The following OTUD7A variants were observed in gnomAD, a reference collection of about 807,000 sequenced individuals.
The protein encoded by OTUD7A is OTU domain-containing protein 7A.
A neutral mutation model predicts 65.7 loss-of-function variants in OTUD7A; 12 were observed. The observed-to-expected ratio is 0.18, with a 90% CI of 0.12 to 0.30. The LOEUF (loss-of-function observed/expected upper bound fraction) is 0.30, where lower values mean the gene tolerates loss of function less well. Ranked by LOEUF, OTUD7A falls within the 10% of genes least tolerant of loss-of-function variation. The pLI is 1.00. For synonymous variants in OTUD7A, 641 were observed against 586.3 expected, an observed-to-expected ratio of 1.09 and a Z score of -1.35; for missense variants, 1,148 against 1,304.8, an observed-to-expected ratio of 0.88 and a Z score of 1.85.
chr15:31,585,333 C>T (rs947207654), intron 3 of OTUD7A, among the ~76,000 whole-genome samples: 1 of 152,182 alleles, frequency 6.6e-6, no homozygotes, highest in Non-Finnish European at 1.5e-5. Flanking sequence ...TCATGCGAGG[C>T]GTGGAAGGCA....
rs1297454355 is a variant in OTUD7A at position 31,632,598 on chromosome 15, C to T, written c.151+22498G>A. Among the ~76,000 whole-genome samples, 6 of 152,360 alleles carry T rather than the reference C, an allele frequency of 3.9e-5. No individual in the cohort carries two copies. The East Asian group carries it at 9.6e-4, about 24-fold the overall frequency. On this transcript the variant is annotated intron_variant, in intron 3 of 12. Coordinates refer to ENST00000307050, the MANE Select transcript of OTUD7A (RefSeq NM_001382637.1). Reference sequence around the variant, plus strand: ...GACCCACTTGAGGAGGCAGTCTGCCCGTTCTCAGATCTCCAGCTGTGTGCT... The same window carrying T: ...GACCCACTTGAGGAGGCAGTCTGCCTGTTCTCAGATCTCCAGCTGTGTGCT...
chr15:31,748,402 T>C (rs1037730859), intron 1 of OTUD7A, among the ~76,000 whole-genome samples: 1 of 151,180 alleles, frequency 6.6e-6, no homozygotes, highest in African/African-American at 2.4e-5. Context: ...CACATAACTA[T>C]TATATATATT....
At chr15:31,809,646 T>C (rs561561767) in intron 1 of OTUD7A, among the ~76,000 whole-genome samples, 1 of 152,346 alleles carries the variant, frequency 6.6e-6, no homozygotes, top group East Asian at 1.9e-4. Flanking sequence ...GGCTAGTGCT[T>C]CAGCAGCCAC....
chr15:31,595,928 C>T (rs1889891525), intron 3 of OTUD7A, among the ~76,000 whole-genome samples: 1 of 152,102 alleles, frequency 6.6e-6, no homozygotes, highest in African/African-American at 2.4e-5. Context: ...CCAGCAATGA[C>T]TGATGGAGTC....
At chr15:31,534,504 C>A (rs770316276) in intron 5 of OTUD7A, among the ~76,000 whole-genome samples, 9 of 152,128 alleles carry the variant, frequency 5.9e-5, no homozygotes, top group Non-Finnish European at 1.3e-4. Context: ...GACAAAGATG[C>A]GCCCTCTCTC....
chr15:31,500,018 G>C (rs949863294), intron 10 of OTUD7A, among the ~76,000 whole-genome samples: 1 of 152,344 alleles, frequency 6.6e-6, no homozygotes. Context: ...TGCCTTTTGC[G>C]AGGAGGGGGT....
chr15:31,664,154 G>A (rs1266973570), intron 1 of OTUD7A, among the ~76,000 whole-genome samples: 4 of 152,146 alleles, frequency 2.6e-5, no homozygotes, highest in Non-Finnish European at 4.4e-5. Flanking sequence ...TATCTTCTTC[G>A]TATAATGATT....
intron 1 of OTUD7A, among the ~76,000 whole-genome samples, chr15:31,851,048 C>T (rs1031955356): frequency 6.6e-6 from 1 of 152,138 alleles, no homozygotes; most frequent in African/African-American, 2.4e-5. Flanking sequence ...AAGGTTGATT[C>T]AAGCATTTTT....
At chr15:31,820,288 TAAAC>T (rs1283127920) in intron 1 of OTUD7A, among the ~76,000 whole-genome samples, 1 of 152,250 alleles carries the variant, frequency 6.6e-6, no homozygotes, top group Non-Finnish European at 1.5e-5. Flanking sequence ...GTATCCCACT[TAAAC>T]AATCACCCAC....
At chr15:31,805,434 A>T (rs1206254896) in intron 1 of OTUD7A, among the ~76,000 whole-genome samples, 4 of 152,216 alleles carry the variant, frequency 2.6e-5, no homozygotes, top group Non-Finnish European at 5.9e-5. Flanking sequence ...AGGGCCCTGT[A>T]TGCAGGAAGG....
intron 1 of OTUD7A, among the ~76,000 whole-genome samples, chr15:31,711,095 T>C (rs555208956): frequency 6.7e-5 from 10 of 150,310 alleles, no homozygotes; most frequent in South Asian, 2.1e-4. Context: ...ACCCTTTCTA[T>C]GGTGAATAGC....
intron 3 of OTUD7A, among the ~76,000 whole-genome samples, chr15:31,630,545 G>A (rs1891111947): frequency 6.6e-6 from 1 of 152,094 alleles, no homozygotes; most frequent in Non-Finnish European, 1.5e-5. Flanking sequence ...GTGTGGTGCT[G>A]AAAAAAATGT....
intron 1 of OTUD7A, among the ~76,000 whole-genome samples, chr15:31,800,714 C>T (rs571911164): frequency 2.7e-4 from 41 of 152,260 alleles, no homozygotes; most frequent in African/African-American, 7.5e-4. Context: ...CAGAAGGAGA[C>T]GCAGGGAAGG....
chr15:31,655,851 G>T (rs1203746583), intron 2 of OTUD7A, among the ~76,000 whole-genome samples: 1 of 152,182 alleles, frequency 6.6e-6, no homozygotes, highest in Non-Finnish European at 1.5e-5. Flanking sequence ...AGTTGGAGTT[G>T]CTAGATTTCT....
At chr15:31,531,676 C>T (rs765400990) in intron 5 of OTUD7A, among the ~76,000 whole-genome samples, 3 of 152,304 alleles carry the variant, frequency 2.0e-5, no homozygotes, top group South Asian at 4.1e-4. Context: ...CCGACCACCA[C>T]CCCTGCCAGC....
At chr15:31,752,380 A>G (rs1343358802) in intron 1 of OTUD7A, among the ~76,000 whole-genome samples, 1 of 152,232 alleles carries the variant, frequency 6.6e-6, no homozygotes, top group Non-Finnish European at 1.5e-5. Context: ...AGGTTTTTCA[A>G]ATAATTGTAG....
chr15:31,579,187 G>A (rs1012733344), intron 3 of OTUD7A, among the ~76,000 whole-genome samples: 6 of 152,220 alleles, frequency 3.9e-5, no homozygotes, highest in Admixed American at 1.3e-4. Flanking sequence ...GAAAAAACAT[G>A]AGGCAGGAAG....
At chr15:31,602,645 G>A (rs921695166) in intron 3 of OTUD7A, among the ~76,000 whole-genome samples, 10 of 152,102 alleles carry the variant, frequency 6.6e-5, no homozygotes, top group Non-Finnish European at 1.2e-4. Flanking sequence ...ATTCAAATAG[G>A]AAAAGAGGAA....
intron 10 of OTUD7A, among the ~76,000 whole-genome samples, chr15:31,492,472 G>A (rs2041329442): frequency 6.6e-6 from 1 of 151,976 alleles, no homozygotes; most frequent in African/African-American, 2.4e-5. Flanking sequence ...CAGCTACTCT[G>A]GAGGCAGAGG....
Sources: gnomAD v4.1 joint callset for allele counts (sites outside exome capture counted in the v4.1 genomes callset) on GRCh38, gnomAD v4.1.1 for gene constraint, MANE v1.5 for transcripts, NCBI Gene and HGNC (gene_info 2026-07-23, HGNC 2026-07-21) for gene names.